Variants in ARHGAP23 observed in about 807,000 individuals in gnomAD.
ARHGAP23 encodes Rho GTPase activating protein 23.
Under a neutral mutation model 136.3 loss-of-function variants are expected in ARHGAP23, and 34 were observed. That is an observed-to-expected ratio of 0.25 (90% confidence interval 0.19 to 0.33). ARHGAP23 has a LOEUF of 0.33. ARHGAP23 is among the 10% of genes least tolerant of loss of function. ARHGAP23 has a pLI of 1.00. For synonymous variants in ARHGAP23, 832 were observed against 920.5 expected, an observed-to-expected ratio of 0.90 and a Z score of 1.74; for missense variants, 1,808 against 2,139.0, an observed-to-expected ratio of 0.85 and a Z score of 3.05.
At chr17:38,483,159 C>T (rs975288145) in intron 16 of ARHGAP23, among the ~76,000 whole-genome samples, 6 of 152,224 alleles carry the variant, frequency 3.9e-5, no homozygotes, top group African/African-American at 1.4e-4. Flanking sequence ...TCTTCCTAAT[C>T]CTTTAACAAC....
At chr17:38,447,248 C>G (rs541249199) in intron 1 of ARHGAP23, among the ~76,000 whole-genome samples, 1 of 151,664 alleles carries the variant, frequency 6.6e-6, no homozygotes, top group Non-Finnish European at 1.5e-5. Context: ...TCGAGATTAG[C>G]CTGGCCAACA....
In ARHGAP23 at chr17:38,467,188, A is replaced by T; in HGVS notation, c.1505A>T (p.Gln502Leu). 8 of 1,550,564 alleles carry T rather than the reference A, an allele frequency of 5.2e-6. No homozygotes were observed. The highest frequency in any genetic ancestry group is 6.1e-6 in the Non-Finnish European group (7 of 1,146,672). Residue 502 changes from glutamine (Q) to leucine (L), a missense_variant, in exon 7 of 24, where the codon CAG becomes CTG. Around this residue, in one of 7 missense-constraint regions of ARHGAP23, gnomAD observed 859 missense variants for 936.4 expected, o/e 0.92. Transcript: ENST00000622683. ...RQKPPTGRKV[Q>L]LTPARQMNLG... The stretch of plus-strand genomic sequence containing the variant: ...AAGCCCCCGACGGGCCGCAAGGTTC[A>T]GCTGACCCCCGCAAGACAGATGAAC...
chr17:38,439,986 C>T (rs1430343199), intron 1 of ARHGAP23, among the ~76,000 whole-genome samples: 2 of 150,924 alleles, frequency 1.3e-5, no homozygotes. Flanking sequence ...CCTCGGCCTC[C>T]TAGAGTGCTG....
intron 22 of ARHGAP23, among the ~76,000 whole-genome samples, chr17:38,499,797 T>C (rs1293287076): frequency 6.6e-6 from 1 of 152,118 alleles, no homozygotes; most frequent in African/African-American, 2.4e-5. Context: ...ACCTGCCCAC[T>C]ACCCTGTGGG....
chr17:38,437,982 G>C (rs1308484247), intron 1 of ARHGAP23, among the ~76,000 whole-genome samples: 2 of 151,246 alleles, frequency 1.3e-5, no homozygotes, highest in Non-Finnish European at 1.5e-5. Flanking sequence ...AGCTCTCAGG[G>C]GAAGAAGGCT....
At position 38,428,562 on chromosome 17, in the gene ARHGAP23, GC is replaced by G. The variant is rs2038612592; in HGVS notation, c.63+16del. On this transcript the variant is annotated intron_variant, in intron 1 of 23. Transcript: ENST00000622683. ...CGGCCCCCACAGGTGAGGGTGCTGG[GC>G]CAGGGAAGTGGGCGGGGCCGGTAGC... 7.1e-7 allele frequency: 1 copy of G among 1,417,540 alleles called. No individual in the cohort carries two copies. The highest frequency in any genetic ancestry group is 9.2e-7 in the Non-Finnish European group (1 of 1,086,916). The allele number at this position is 1,417,540 out of a possible 1,614,324, so 87.8% of individuals were successfully genotyped here.
chr17:38,451,797 G>C (rs1273670048), intron 1 of ARHGAP23: 1 of 152,692 alleles, frequency 6.5e-6, no homozygotes, highest in Non-Finnish European at 1.5e-5. Flanking sequence ...GGTCAGGGCA[G>C]GAGTGGTCCC....
chr17:38,474,530 G>C (rs1222617661), intron 11 of ARHGAP23, among the ~76,000 whole-genome samples: 1 of 152,138 alleles, frequency 6.6e-6, no homozygotes, highest in Non-Finnish European at 1.5e-5. Flanking sequence ...TGGAGGAACA[G>C]GTTTGGGGAG....
upstream of ARHGAP23, among the ~76,000 whole-genome samples, chr17:38,427,653 C>CA (rs1381124410): frequency 6.6e-6 from 1 of 152,170 alleles, no homozygotes. Flanking sequence ...CCTCTGCTGT[C>CA]ACTGCTGTTC....
intron 1 of ARHGAP23, among the ~76,000 whole-genome samples, chr17:38,454,397 C>T (rs1332417719): frequency 1.3e-5 from 2 of 152,098 alleles, no homozygotes; most frequent in African/African-American, 4.8e-5. Flanking sequence ...TCAGCCCTCT[C>T]GGTTTCCAGG....
intron 1 of ARHGAP23, among the ~76,000 whole-genome samples, chr17:38,419,635 A>G (rs2038499693): frequency 6.6e-6 from 1 of 151,680 alleles, no homozygotes; most frequent in African/African-American, 2.4e-5. Flanking sequence ...TATCACTGAC[A>G]CCTAGGAAGG....
In ARHGAP23 at chr17:38,491,781, C is replaced by T. The variant is rs530700334; in HGVS notation, c.3276+249C>T. The T allele has an allele frequency of 7.8e-4, 405 of 521,680 alleles. 7 individuals carry two copies. In the South Asian group the frequency reaches 0.012, roughly 16 times the overall value. 32.3% of individuals were successfully genotyped at this position (521,680 alleles called of 1,614,324 possible). A position where few individuals can be genotyped will look rare whatever the true frequency, so the allele number is the denominator to read the frequency against. On this transcript the variant is annotated intron_variant, in intron 20 of 23. Transcript: ENST00000622683. ...CCCAGCAGGAGAGTCAAGAGGCCCC[C>T]GAGCTTCCGAGATGCCTGGGAAAGG...
At chr17:38,504,150 C>T (rs1484456268) in intron 23 of ARHGAP23, among the ~76,000 whole-genome samples, 1 of 152,168 alleles carries the variant, frequency 6.6e-6, no homozygotes, top group Non-Finnish European at 1.5e-5. Flanking sequence ...TGTTCTCAGG[C>T]TCTGAGTGTT....
intron 1 of ARHGAP23, chr17:38,452,403 T>G (rs79803284): frequency 2.0e-5 from 3 of 152,174 alleles, no homozygotes; most frequent in Admixed American, 6.5e-5. Context: ...ATCTGCTTGG[T>G]GCTCCCTTCT....
intron 1 of ARHGAP23, among the ~76,000 whole-genome samples, chr17:38,443,058 C>T (rs2038954129): frequency 6.6e-6 from 1 of 152,212 alleles, no homozygotes; most frequent in Admixed American, 6.5e-5. Flanking sequence ...AATAAGGAAA[C>T]TTGAGTGACC....
chr17:38,482,645 C>T lies in ARHGAP23; in HGVS notation c.2874C>T (p.Asn958=), dbSNP rs1335718791. The change falls in exon 16 of 24, where the codon AAC becomes AAT. Residue 958 remains asparagine (N), a synonymous_variant. Coordinates refer to ENST00000622683, the MANE Select transcript of ARHGAP23 (RefSeq NM_001199417.2). ...TGTCCAGCCTACAGGAGCAGCTCAA[C>T]CGCGGGCCTGGTGACATCAACCTGC... ...AVVSSLQEQL[N]RGPGDINLQD... 1.9e-6 allele frequency: 3 copies of T among 1,549,138 alleles called. No individual in the cohort carries two copies. Among genetic ancestry groups the T allele is most frequent in the Non-Finnish European group, 2.6e-6 (3 of 1,146,610 alleles).
At chr17:38,459,717 G>A (rs1449112618) in intron 2 of ARHGAP23, among the ~76,000 whole-genome samples, 1 of 152,220 alleles carries the variant, frequency 6.6e-6, no homozygotes, top group Non-Finnish European at 1.5e-5. Context: ...CCTTTGGCCT[G>A]GAGGCAGGAG....
intron 1 of ARHGAP23, chr17:38,451,682 C>T (rs2039170381): frequency 6.6e-6 from 1 of 152,262 alleles, no homozygotes; most frequent in African/African-American, 2.4e-5. Context: ...TGGTTGCCCT[C>T]CGCCTGGGGC....
chr17:38,485,838 C>T (rs1266092082), intron 16 of ARHGAP23, among the ~76,000 whole-genome samples: 3 of 152,186 alleles, frequency 2.0e-5, no homozygotes, highest in South Asian at 2.1e-4. Flanking sequence ...TTGGAGCCCA[C>T]GCACTGGCAG....
Sources: allele counts gnomAD v4.1 joint callset (sites outside exome capture counted in the v4.1 genomes callset), GRCh38; gene constraint gnomAD v4.1.1; regional missense constraint gnomAD v4.1.1; transcripts MANE v1.5; gene names NCBI Gene and HGNC (gene_info 2026-07-23, HGNC 2026-07-21).